RAPGEF1: variants seen among roughly 807,000 people sequenced by gnomAD.
RAPGEF1 encodes the protein CRK SH3-binding GNRP.
RAPGEF1 carries 33 observed loss-of-function variants against 143.3 expected under a neutral mutation model. The observed-to-expected ratio is 0.23, with a 90% CI of 0.17 to 0.31. The LOEUF (loss-of-function observed/expected upper bound fraction) is 0.31, where lower values mean the gene tolerates loss of function less well. Among genes scored for constraint, RAPGEF1 ranks in the 10% least tolerant of loss-of-function variants. RAPGEF1 has a pLI of 1.00. For synonymous variants in RAPGEF1, 629 were observed against 676.5 expected, an observed-to-expected ratio of 0.93 and a Z score of 1.09; for missense variants, 1,199 against 1,645.4, an observed-to-expected ratio of 0.73 and a Z score of 4.69.
intron 12 of RAPGEF1, among the ~76,000 whole-genome samples, chr9:131,611,496 C>A (rs1392772810): frequency 6.6e-6 from 1 of 152,206 alleles, no homozygotes; most frequent in African/African-American, 2.4e-5. Flanking sequence ...GAAAATACTA[C>A]GTTTTGGCCA....
At chr9:131,660,240 T>C (rs930609850) in intron 1 of RAPGEF1, among the ~76,000 whole-genome samples, 1 of 152,208 alleles carries the variant, frequency 6.6e-6, no homozygotes, top group African/African-American at 2.4e-5. Flanking sequence ...AAAGACTCTT[T>C]TGTTATGAAA....
In RAPGEF1 at chr9:131,675,673, G is replaced by C. The variant is rs939263787; in HGVS notation, c.62-24724C>G. On this transcript the variant is annotated intron_variant, in intron 1 of 26. Transcript: ENST00000683357. This position sits in a 1 kb window ranked among gnomAD's most constrained non-coding sequence, Gnocchi z 4.6. ...TGTACCAGGAAAGCCCCCAGGGAAT[G>C]AAGGTAGAGAAGAGGAATTTAAGGC... Among the ~76,000 whole-genome samples, 1 of 152,242 alleles carries C rather than the reference G, an allele frequency of 6.6e-6. No homozygotes were observed. The highest frequency in any genetic ancestry group is 1.5e-5 in the Non-Finnish European group (1 of 68,044).
At chr9:131,651,047 T>A in intron 1 of RAPGEF1, 98 bp from the exon 2 acceptor site, 1 of 1,393,804 alleles carries the variant, frequency 7.2e-7, no homozygotes, top group Non-Finnish European at 9.7e-7. Context: ...AAACCCATCT[T>A]TTTTCTTGGC....
intron 1 of RAPGEF1, among the ~76,000 whole-genome samples, chr9:131,687,472 G>A (rs924153420): frequency 6.6e-6 from 1 of 151,056 alleles, no homozygotes; most frequent in African/African-American, 2.5e-5. Flanking sequence ...TGAGATTACA[G>A]GCGTGAGCCA....
intron 1 of RAPGEF1, among the ~76,000 whole-genome samples, chr9:131,657,500 T>C (rs1422841378): frequency 2.6e-5 from 4 of 152,206 alleles, no homozygotes; most frequent in Non-Finnish European, 5.9e-5. Flanking sequence ...TACAAATATA[T>C]ATATGTACAA....
intron 5 of RAPGEF1, among the ~76,000 whole-genome samples, chr9:131,632,301 T>TA (rs1365815611): frequency 5.3e-5 from 8 of 150,852 alleles, no homozygotes; most frequent in Non-Finnish European, 1.0e-4. Flanking sequence ...GCTAATTTTT[T>TA]TTTTTTTTTT....
At chr9:131,580,826 G>A (rs1951758440) in intron 25 of RAPGEF1, among the ~76,000 whole-genome samples, 1 of 152,182 alleles carries the variant, frequency 6.6e-6, no homozygotes, top group Non-Finnish European at 1.5e-5. Context: ...AGGAGGCTAA[G>A]GCAGGAGGAT....
rs1384648775 is a variant in RAPGEF1, at chr9:131,619,181, G to C, written c.1931C>G (p.Ser644Cys). The C allele has an allele frequency of 4.6e-6, 6 of 1,306,622 alleles. No homozygotes were observed. The highest frequency in any genetic ancestry group is 6.1e-6 in the Non-Finnish European group (6 of 990,556). The allele number at this position is 1,306,622 out of a possible 1,614,324, so 80.9% of individuals were successfully genotyped here. A position where few individuals can be genotyped will look rare whatever the true frequency, so the allele number is the denominator to read the frequency against. ...QLASCAASSF[S>C]SVSHCVQQTK... ...TTGCTGGACACAGTGGGAGACAGAG[G>C]AGAAGGAAGAAGCAGCACAGGAGGC... is the stretch of plus-strand genomic sequence containing the variant. Residue 644 changes from serine to cysteine, a missense_variant, in exon 12 of 27, where the codon TCC becomes TGC. Coordinates refer to ENST00000683357, the MANE Select transcript of RAPGEF1 (RefSeq NM_001377935.1).
chr9:131,641,841 ACG>A lies in RAPGEF1; in HGVS notation c.494+1396_494+1397del, dbSNP rs892403106. 2.0e-4 allele frequency among the ~76,000 whole-genome samples: 31 copies of A among 152,272 alleles called. No individual in the cohort carries two copies. The highest frequency in any genetic ancestry group is 7.2e-4 in the African/African-American group (30 of 41,482). On this transcript the variant is annotated intron_variant, in intron 4 of 26. Coordinates refer to ENST00000683357, the MANE Select transcript of RAPGEF1 (RefSeq NM_001377935.1). This position sits in a 1 kb window ranked among gnomAD's most constrained non-coding sequence, Gnocchi z 4.6. ...TTCTGGCCAAAAGACCACAGTCTCC[ACG>A]CGTCAGCTGAAACTCCAGGGAGGAA...
At chr9:131,658,847 T>G (rs938546474) in intron 1 of RAPGEF1, among the ~76,000 whole-genome samples, 7 of 152,280 alleles carry the variant, frequency 4.6e-5, no homozygotes, top group African/African-American at 1.7e-4. Flanking sequence ...CTCTGCCTGT[T>G]GCTGACAAAT....
intron 12 of RAPGEF1, among the ~76,000 whole-genome samples, chr9:131,606,649 T>C (rs1202749014): frequency 1.3e-5 from 2 of 152,034 alleles, no homozygotes; most frequent in Non-Finnish European, 2.9e-5. Context: ...CCTTAAGTAG[T>C]TTTTTGTTTT....
rs1257279257 is a variant in RAPGEF1 at position 131,650,695 on chromosome 9, C to G, written c.201+115G>C. The G allele has an allele frequency of 1.4e-6, 2 of 1,425,740 alleles. No homozygotes were observed. The highest frequency in any genetic ancestry group is 1.9e-6 in the Non-Finnish European group (2 of 1,050,360). The allele number at this position is 1,425,740 out of a possible 1,614,324, so 88.3% of individuals were successfully genotyped here. A position where few individuals can be genotyped will look rare whatever the true frequency, so the allele number is the denominator to read the frequency against. The stretch of plus-strand genomic sequence containing the variant: ...CAAAGGTCCCGCCCATGGAATGCTA[C>G]GAAGTAGGTATGATGCACTGAAAGC... On this transcript the variant is annotated intron_variant, in intron 2 of 26. Coordinates refer to ENST00000683357, the MANE Select transcript of RAPGEF1 (RefSeq NM_001377935.1). This position sits in a 1 kb window ranked among gnomAD's most constrained non-coding sequence, Gnocchi z 4.7.
chr9:131,582,808 C>G, intron 24 of RAPGEF1, 106 bp from the exon 25 acceptor site: 1 of 936,840 alleles, frequency 1.1e-6, no homozygotes, highest in Non-Finnish European at 1.6e-6. Flanking sequence ...CAACCACCCT[C>G]TGCCCAACTC....
chr9:131,635,122 ATGG>A (rs1966026485), intron 5 of RAPGEF1, among the ~76,000 whole-genome samples: 1 of 152,152 alleles, frequency 6.6e-6, no homozygotes, highest in African/African-American at 2.4e-5. Flanking sequence ...ACTGTCAAAA[ATGG>A]TCACTGTGAG....
chr9:131,674,059 A>G (rs954705022), intron 1 of RAPGEF1, among the ~76,000 whole-genome samples: 6 of 152,232 alleles, frequency 3.9e-5, no homozygotes, highest in Non-Finnish European at 8.8e-5. Flanking sequence ...AGTTATGAAC[A>G]TTGTTCGAAG....
At chr9:131,609,911 T>A (rs1173158985) in intron 12 of RAPGEF1, among the ~76,000 whole-genome samples, 1 of 152,204 alleles carries the variant, frequency 6.6e-6, no homozygotes, top group African/African-American at 2.4e-5. Context: ...TCCTTTCTTT[T>A]TTTGAGACAG....
chr9:131,609,640 A>C (rs553398358), intron 12 of RAPGEF1, among the ~76,000 whole-genome samples: 38 of 152,280 alleles, frequency 2.5e-4, no homozygotes, highest in Admixed American at 7.2e-4. Flanking sequence ...CTTTGGAAAC[A>C]CACCCCTGAA....
At chr9:131,586,257 AACACAC>A (rs55722149) in intron 22 of RAPGEF1, among the ~76,000 whole-genome samples, 1,899 of 91,334 alleles carry the variant, frequency 0.021, 104 homozygotes, top group African/African-American at 0.08. Flanking sequence ...CTCTGTCTCA[AACACAC>A]ACACACACAC....
chr9:131,663,025 T>C (rs113333630), intron 1 of RAPGEF1, among the ~76,000 whole-genome samples: 3,699 of 152,234 alleles, frequency 0.024, 154 homozygotes, highest in African/African-American at 0.084. Context: ...GAAAGAATAT[T>C]ATGAAGCGAA....
Sources: allele counts gnomAD v4.1 joint callset (sites outside exome capture counted in the v4.1 genomes callset), GRCh38; gene constraint gnomAD v4.1.1; non-coding constraint Gnocchi (gnomAD v3.1); transcripts MANE v1.5; gene names NCBI Gene and HGNC (gene_info 2026-07-23, HGNC 2026-07-21).